Variants in PDE4D observed in about 807,000 individuals in gnomAD.
The protein encoded by PDE4D is phosphodiesterase 4D.
Under a neutral mutation model 87.4 loss-of-function variants are expected in PDE4D, and 24 were observed. That is an observed-to-expected ratio of 0.27 (90% CI 0.20 to 0.39). The LOEUF (loss-of-function observed/expected upper bound fraction) is 0.39, where lower values mean the gene tolerates loss of function less well. Among genes scored for constraint, PDE4D ranks in the 10% least tolerant of loss-of-function variants. The probability of loss-of-function intolerance (pLI) is 1.00; values close to 1 mark genes in which losing one functional copy is unlikely to be tolerated. For missense variants in PDE4D, 714 were observed against 1,041.0 expected (o/e 0.69, Z 4.32); for synonymous variants, 384 against 383.2 (o/e 1.00, Z -0.02).
At chr5:59,005,928 A>G (rs1383246789) in intron 6 of PDE4D, among the ~76,000 whole-genome samples, 1 of 152,182 alleles carries the variant, frequency 6.6e-6, no homozygotes, top group Non-Finnish European at 1.5e-5. Context: ...TCTTTTTGCT[A>G]ACTTTACAGT....
At chr5:59,716,271 A>C (rs1755011078) in intron 1 of PDE4D, among the ~76,000 whole-genome samples, 1 of 152,214 alleles carries the variant, frequency 6.6e-6, no homozygotes. Context: ...TAAAAGGTAC[A>C]ACTACGCTGC....
At chr5:60,074,091 T>C (rs750103398) in intron 2 of PDE4D, among the ~76,000 whole-genome samples, 1 of 152,154 alleles carries the variant, frequency 6.6e-6, no homozygotes, top group Non-Finnish European at 1.5e-5. Flanking sequence ...TACTCTTGCT[T>C]CTCTAGTTCA....
chr5:59,267,440 C>A (rs1763031245), intron 1 of PDE4D, among the ~76,000 whole-genome samples: 1 of 152,012 alleles, frequency 6.6e-6, no homozygotes, highest in Non-Finnish European at 1.5e-5. Context: ...GAATTAGATA[C>A]AACGGGAGCA....
At chr5:59,993,788 A>C (rs1344045243) in intron 2 of PDE4D, among the ~76,000 whole-genome samples, 1 of 152,046 alleles carries the variant, frequency 6.6e-6, no homozygotes, top group Non-Finnish European at 1.5e-5. Flanking sequence ...TGGGACTTAG[A>C]AATATATTCG....
intron 1 of PDE4D, among the ~76,000 whole-genome samples, chr5:59,621,378 A>C (rs1830334602): frequency 6.6e-6 from 1 of 152,226 alleles, no homozygotes; most frequent in African/African-American, 2.4e-5. Flanking sequence ...TTGAATAGGA[A>C]GCCAGCTGAG....
At chr5:59,286,308 A>G (rs1185926172) in intron 1 of PDE4D, among the ~76,000 whole-genome samples, 1 of 152,180 alleles carries the variant, frequency 6.6e-6, no homozygotes, top group African/African-American at 2.4e-5. Context: ...GCTAGGTACT[A>G]TTATTTCTTC....
At chr5:59,363,117 TG>T (rs1253202902) in intron 1 of PDE4D, among the ~76,000 whole-genome samples, 1 of 152,200 alleles carries the variant, frequency 6.6e-6, no homozygotes, top group Non-Finnish European at 1.5e-5. Flanking sequence ...ACTTATTTGG[TG>T]TTTATTCTGT....
chr5:59,964,537 T>A (rs1032200021), intron 3 of PDE4D, among the ~76,000 whole-genome samples: 2 of 152,164 alleles, frequency 1.3e-5, no homozygotes, highest in Admixed American at 6.6e-5. Flanking sequence ...TCTTCTCTAC[T>A]CAGTCTTTAC....
intron 1 of PDE4D, among the ~76,000 whole-genome samples, chr5:59,732,706 T>G (rs1373395222): frequency 6.6e-6 from 1 of 152,080 alleles, no homozygotes; most frequent in Non-Finnish European, 1.5e-5. Context: ...AGCAAAATCT[T>G]GCCTTCTGAA....
At chr5:59,259,699 GAGTA>G (rs1358076046) in intron 1 of PDE4D, among the ~76,000 whole-genome samples, 2 of 151,844 alleles carry the variant, frequency 1.3e-5, no homozygotes. Flanking sequence ...GAGGATGCCA[GAGTA>G]AGTATCTTTC....
At chr5:59,434,397 TG>T (rs1236230250) in intron 1 of PDE4D, among the ~76,000 whole-genome samples, 1 of 152,036 alleles carries the variant, frequency 6.6e-6, no homozygotes, top group African/African-American at 2.4e-5. Flanking sequence ...GCTTATGGCT[TG>T]GAAGACTCCT....
intron 1 of PDE4D, among the ~76,000 whole-genome samples, chr5:60,496,247 T>C (rs556795029): frequency 6.6e-6 from 1 of 152,320 alleles, no homozygotes; most frequent in Admixed American, 6.5e-5. Flanking sequence ...AGAACATAAA[T>C]AACAAAAGCT....
chr5:59,656,707 A>G (rs1392653267), intron 1 of PDE4D, among the ~76,000 whole-genome samples: 3 of 152,214 alleles, frequency 2.0e-5, no homozygotes, highest in African/African-American at 7.2e-5. Context: ...TATTATGGTA[A>G]TAATACTTAT....
chr5:59,640,171 T>C (rs1054118540), intron 1 of PDE4D, among the ~76,000 whole-genome samples: 88 of 152,166 alleles, frequency 5.8e-4, no homozygotes, highest in African/African-American at 2.1e-3. Context: ...CATAAGATAT[T>C]TGATTTTTAC....
Position 60,406,008 on chromosome 5 carries a change from T to A in PDE4D, c.-90+81934A>T, listed in dbSNP as rs908717617. On this transcript the variant is annotated intron_variant, in intron 1 of 16. Coordinates refer to the PDE4D transcript ENST00000502484. ...TCTGGGTGGCTCTCTGTGCAATAGA[T>A]CATCTTGCACTTTTTTTTTTCTTTC... is the stretch of plus-strand genomic sequence containing the variant. 2.5e-4 allele frequency among the ~76,000 whole-genome samples: 37 copies of A among 150,892 alleles called. 1 individual carries two copies. The highest frequency in any genetic ancestry group is 2.4e-3 in the Admixed American group (37 of 15,220).
At chr5:59,113,282 T>C (rs1250033417) in intron 5 of PDE4D, among the ~76,000 whole-genome samples, 2 of 152,222 alleles carry the variant, frequency 1.3e-5, no homozygotes, top group Non-Finnish European at 2.9e-5. Flanking sequence ...ATTATTCCTT[T>C]CTTAAAAATT....
chr5:59,039,742 G>A, intron 5 of PDE4D: 1 of 156,628 alleles, frequency 6.4e-6, no homozygotes, highest in Non-Finnish European at 1.4e-5. Context: ...ACCTCGCAGT[G>A]CCATCCCCCC....
At chr5:59,131,156 T>C (rs1488066555) in intron 5 of PDE4D, among the ~76,000 whole-genome samples, 1 of 152,220 alleles carries the variant, frequency 6.6e-6, no homozygotes, top group Non-Finnish European at 1.5e-5. Flanking sequence ...TTTTTAGGTC[T>C]CAGTTTAAGG....
At chr5:59,768,885 A>G (rs893519172) in intron 1 of PDE4D, among the ~76,000 whole-genome samples, 1 of 152,154 alleles carries the variant, frequency 6.6e-6, no homozygotes, top group African/African-American at 2.4e-5. Flanking sequence ...ATGTACATAA[A>G]AAGTCCTGGG....
Sources: allele counts gnomAD v4.1 joint callset (sites outside exome capture counted in the v4.1 genomes callset), GRCh38; gene constraint gnomAD v4.1.1; transcripts MANE v1.5; gene names NCBI Gene and HGNC (gene_info 2026-07-23, HGNC 2026-07-21).